COL25A1: variants seen among roughly 807,000 people sequenced by gnomAD.
COL25A1 encodes the protein collagen alpha-1(XXV) chain.
In COL25A1, 103 loss-of-function variants were observed where a neutral mutation model predicts 128.4. The ratio of observed to expected loss-of-function variants is 0.80; its 90% CI spans 0.68 to 0.94. The LOEUF (loss-of-function observed/expected upper bound fraction) is 0.94. COL25A1 is among the 40% of genes least tolerant of loss of function. COL25A1 has a pLI of 0.00. For missense variants in COL25A1, 745 were observed against 840.0 expected (o/e 0.89, Z 1.40); for synonymous variants, 279 against 277.2 (o/e 1.01, Z -0.06).
intron 3 of COL25A1, among the ~76,000 whole-genome samples, chr4:109,272,682 T>C (rs1782274026): frequency 6.6e-6 from 1 of 152,172 alleles, no homozygotes; most frequent in Non-Finnish European, 1.5e-5. Flanking sequence ...TGCAAAGTGG[T>C]ATTACTATAA....
intron 3 of COL25A1, among the ~76,000 whole-genome samples, chr4:109,153,844 T>C (rs1560780165): frequency 6.6e-6 from 1 of 152,176 alleles, no homozygotes; most frequent in African/African-American, 2.4e-5. Flanking sequence ...TCAATTGCTG[T>C]ATACTACAAT....
chr4:108,853,395 C>CGT (rs10678976), intron 24 of COL25A1, among the ~76,000 whole-genome samples: 118,845 of 151,312 alleles, frequency 0.79, 47,547 homozygotes, highest in Middle Eastern at 0.89. Flanking sequence ...TGTGTGTGTG[C>CGT]GTGTGTGTGT....
chr4:109,168,815 A>G (rs1311786395), intron 3 of COL25A1, among the ~76,000 whole-genome samples: 1 of 152,182 alleles, frequency 6.6e-6, no homozygotes, highest in Non-Finnish European at 1.5e-5. Flanking sequence ...AGAGAATAAA[A>G]TGTTTTTAAA....
At chr4:109,066,481 T>C (rs1762460070) in intron 3 of COL25A1, among the ~76,000 whole-genome samples, 1 of 152,172 alleles carries the variant, frequency 6.6e-6, no homozygotes, top group Non-Finnish European at 1.5e-5. Context: ...ACAGCACATA[T>C]CATGTTGTAT....
At chr4:109,199,345 C>T (rs1776369211) in intron 3 of COL25A1, among the ~76,000 whole-genome samples, 1 of 151,896 alleles carries the variant, frequency 6.6e-6, no homozygotes, top group East Asian at 1.9e-4. Flanking sequence ...AGGATTTTGC[C>T]ATGTTGCACG....
At chr4:109,237,815 A>C (rs1247038183) in intron 3 of COL25A1, among the ~76,000 whole-genome samples, 1 of 152,034 alleles carries the variant, frequency 6.6e-6, no homozygotes, top group African/African-American at 2.4e-5. Flanking sequence ...CCCATTAAAC[A>C]ATAACTGCCT....
intron 3 of COL25A1, among the ~76,000 whole-genome samples, chr4:109,252,773 C>A (rs905917231): frequency 6.6e-6 from 1 of 152,152 alleles, no homozygotes; most frequent in African/African-American, 2.4e-5. Flanking sequence ...TTGAACTCTG[C>A]CCACTAGGCG....
chr4:108,911,547 T>C (rs1024185536), intron 13 of COL25A1, among the ~76,000 whole-genome samples: 2 of 152,182 alleles, frequency 1.3e-5, no homozygotes, highest in Non-Finnish European at 2.9e-5. Context: ...CAGTGTTCAG[T>C]TGGTGCCTCA....
chr4:108,821,339 G>C (rs1560698135), intron 35 of COL25A1, among the ~76,000 whole-genome samples: 1 of 152,194 alleles, frequency 6.6e-6, no homozygotes, highest in African/African-American at 2.4e-5. Flanking sequence ...GGTGAAATGA[G>C]AGCAGTTGTG....
At chr4:109,222,158 A>C (rs993038036) in intron 3 of COL25A1, among the ~76,000 whole-genome samples, 2 of 128,720 alleles carry the variant, frequency 1.6e-5, no homozygotes, top group Non-Finnish European at 3.1e-5. Flanking sequence ...CTGACTCCCC[A>C]GTTCAAGTGA....
intron 5 of COL25A1, among the ~76,000 whole-genome samples, chr4:109,027,084 C>G (rs1303146403): frequency 6.6e-6 from 1 of 152,182 alleles, no homozygotes; most frequent in Non-Finnish European, 1.5e-5. Context: ...AGGCATTCTT[C>G]AGGTACTAGG....
chr4:109,238,743 T>C (rs1463062597), intron 3 of COL25A1, among the ~76,000 whole-genome samples: 1 of 152,058 alleles, frequency 6.6e-6, no homozygotes, highest in Non-Finnish European at 1.5e-5. Flanking sequence ...GGACTACTCC[T>C]TGTTTTCCCC....
At chr4:109,277,002 T>C (rs1722914063) in intron 3 of COL25A1, among the ~76,000 whole-genome samples, 1 of 152,188 alleles carries the variant, frequency 6.6e-6, no homozygotes, top group South Asian at 2.1e-4. Flanking sequence ...TCCTACAAGA[T>C]AAATTTTAGA....
intron 3 of COL25A1, among the ~76,000 whole-genome samples, chr4:109,222,873 T>C (rs567282443): frequency 9.2e-5 from 14 of 152,224 alleles, no homozygotes; most frequent in Non-Finnish European, 1.8e-4. Flanking sequence ...CTTGTATATA[T>C]CTGGAAAGAA....
chr4:109,159,124 T>G (rs1473949392), intron 3 of COL25A1, among the ~76,000 whole-genome samples: 1 of 151,868 alleles, frequency 6.6e-6, no homozygotes, highest in Admixed American at 6.6e-5. Context: ...GCTAAAAATT[T>G]TTTATAATGC....
At chr4:109,146,519 A>T (rs1039633006) in intron 3 of COL25A1, among the ~76,000 whole-genome samples, 9 of 152,360 alleles carry the variant, frequency 5.9e-5, no homozygotes, top group Non-Finnish European at 1.0e-4. Flanking sequence ...TCATTATTGG[A>T]ATTTCCAACT....
chr4:109,265,017 T>C (rs1400749656), intron 3 of COL25A1, among the ~76,000 whole-genome samples: 1 of 151,388 alleles, frequency 6.6e-6, no homozygotes, highest in East Asian at 1.9e-4. Context: ...CCTTTTTTTG[T>C]ATAAAGAAAA....
chr4:108,936,909 T>C (rs903197279), intron 11 of COL25A1, among the ~76,000 whole-genome samples: 5 of 151,184 alleles, frequency 3.3e-5, no homozygotes, highest in East Asian at 2.0e-4. Flanking sequence ...CTTCCCAAAG[T>C]GCTAAGATTA....
At chr4:108,998,459 T>G (rs2126024423) in intron 6 of COL25A1, among the ~76,000 whole-genome samples, 1 of 152,162 alleles carries the variant, frequency 6.6e-6, no homozygotes, top group East Asian at 1.9e-4. Context: ...TTCAATGAAA[T>G]AAAAGATGAC....
Sources: allele counts gnomAD v4.1 joint callset (sites outside exome capture counted in the v4.1 genomes callset), GRCh38; gene constraint gnomAD v4.1.1; transcripts MANE v1.5; gene names NCBI Gene and HGNC (gene_info 2026-07-23, HGNC 2026-07-21).